NFXL1: variants seen among roughly 807,000 people sequenced by gnomAD.
NFXL1 encodes NF-X1-type zinc finger protein NFXL1.
In NFXL1, 66 loss-of-function variants were observed where a neutral mutation model predicts 123.3. That is an observed-to-expected ratio of 0.54 (90% CI 0.44 to 0.66). The LOEUF (loss-of-function observed/expected upper bound fraction) is 0.66, where lower values mean the gene tolerates loss of function less well. Among genes scored for constraint, NFXL1 ranks in the 30% least tolerant of loss-of-function variants. NFXL1 has a pLI of 0.00. For missense variants in NFXL1, 944 were observed against 1,125.6 expected, an observed-to-expected ratio of 0.84 and a Z score of 2.31; for synonymous variants, 346 against 360.8, an observed-to-expected ratio of 0.96 and a Z score of 0.46.
chr4:47,849,528 TCTAATAATAAA>T (rs1401307024), intron 22 of NFXL1, among the ~76,000 whole-genome samples: 2 of 152,208 alleles, frequency 1.3e-5, no homozygotes, highest in Non-Finnish European at 2.9e-5. Context: ...TTGAAAAAGA[TCTAATAATAAA>T]CTTAGTTTAA....
intron 17 of NFXL1, among the ~76,000 whole-genome samples, chr4:47,876,584 C>T (rs1290448802): frequency 2.6e-5 from 4 of 152,008 alleles, no homozygotes; most frequent in Non-Finnish European, 5.9e-5. Context: ...CCTTTACAGG[C>T]CATTGAAAAG....
intron 1 of NFXL1, 53 bp downstream of exon 1, chr4:47,914,312 A>C: frequency 1.1e-6 from 1 of 877,940 alleles, no homozygotes; most frequent in Non-Finnish European, 1.7e-6. Context: ...CGAGTGAGGA[A>C]GGTTCCTGCA....
At chr4:47,880,445 A>T (rs1397334733) in intron 15 of NFXL1, among the ~76,000 whole-genome samples, 1 of 151,162 alleles carries the variant, frequency 6.6e-6, no homozygotes, top group Non-Finnish European at 1.5e-5. Flanking sequence ...AAAAAAAAAA[A>T]AAAGGTTAAA....
Position 47,913,992 on chromosome 4 carries a change from G to T in NFXL1, c.212C>A (p.Ala71Asp), listed in dbSNP as rs542043125. Residue 71 changes from alanine (A) to aspartate (D), a missense_variant, in exon 2 of 23, where the codon GCC becomes GAC. Transcript: ENST00000507489. ...GSRHSPAGSQ[A>D]LQTTAASELM... ...ACCGCTGGCTGCGGTAGTCTGCAGG[G>T]CTTGGGATCCTGCGGGGCTGTGCCT... 6.5e-7 allele frequency: 1 copy of T among 1,547,666 alleles called. No individual in the cohort carries two copies. Among genetic ancestry groups the T allele is most frequent in the Non-Finnish European group, 8.7e-7 (1 of 1,146,580 alleles).
At chr4:47,868,711 A>G (rs893338086) in intron 18 of NFXL1, among the ~76,000 whole-genome samples, 2 of 152,220 alleles carry the variant, frequency 1.3e-5, no homozygotes, top group Non-Finnish European at 2.9e-5. Flanking sequence ...GAGCTAAACC[A>G]AAGATATTAG....
intron 11 of NFXL1, among the ~76,000 whole-genome samples, chr4:47,893,107 A>G (rs1736873070): frequency 6.6e-6 from 1 of 152,162 alleles, no homozygotes; most frequent in East Asian, 1.9e-4. Flanking sequence ...TAAAAAGCAG[A>G]TTAGACAATG....
chr4:47,898,736 T>C, intron 8 of NFXL1, 21 bp downstream of exon 8: 1 of 1,232,532 alleles, frequency 8.1e-7, no homozygotes, highest in Non-Finnish European at 1.2e-6. Context: ...TACCCACCCC[T>C]CAAAATGCAT....
chr4:47,862,741 A>C, intron 19 of NFXL1, 105 bp downstream of exon 19: 1 of 741,956 alleles, frequency 1.3e-6, no homozygotes. Context: ...ATTTAAAAAG[A>C]TACAACAGAG....
At chr4:47,902,436 C>T (rs73244442) in intron 5 of NFXL1, among the ~76,000 whole-genome samples, 13,960 of 152,008 alleles carry the variant, frequency 0.092, 995 homozygotes, top group East Asian at 0.31. Flanking sequence ...ATAAGCAAAA[C>T]TAATAAATGT....
At chr4:47,886,442 A>C (rs1240219947) in intron 12 of NFXL1, among the ~76,000 whole-genome samples, 1 of 151,994 alleles carries the variant, frequency 6.6e-6, no homozygotes, top group Non-Finnish European at 1.5e-5. Context: ...ATCACAGCTC[A>C]GTGCAGCCTC....
chr4:47,904,977 A>T (rs552167599), intron 4 of NFXL1, among the ~76,000 whole-genome samples: 1 of 152,346 alleles, frequency 6.6e-6, no homozygotes, highest in African/African-American at 2.4e-5. Flanking sequence ...GATGCTAAAA[A>T]TGTTCTATCA....
intron 19 of NFXL1, among the ~76,000 whole-genome samples, chr4:47,861,736 A>G (rs1011625557): frequency 3.3e-5 from 5 of 152,190 alleles, no homozygotes; most frequent in African/African-American, 1.2e-4. Context: ...ACAACCATTT[A>G]TTACTTCAAA....
chr4:47,879,066 C>G (rs1735927110), intron 16 of NFXL1, 30 bp downstream of exon 16: 1 of 1,300,658 alleles, frequency 7.7e-7, no homozygotes, highest in East Asian at 2.6e-5. Context: ...AGATTATAAG[C>G]TTTACTTAAA....
At chr4:47,912,464 T>TC (rs1419168055) in intron 2 of NFXL1, among the ~76,000 whole-genome samples, 1 of 145,092 alleles carries the variant, frequency 6.9e-6, no homozygotes, top group East Asian at 2.0e-4. Context: ...TTTCTTTCTT[T>TC]TTTTTTTTTT....
intron 15 of NFXL1, 44 bp downstream of exon 15, chr4:47,884,302 A>G (rs12510002): frequency 8.6e-7 from 1 of 1,163,662 alleles, no homozygotes; most frequent in Non-Finnish European, 1.3e-6. Flanking sequence ...AGCTATGTCA[A>G]AAGTTTTTTG....
chr4:47,911,859 C>G (rs1444696955), intron 2 of NFXL1, among the ~76,000 whole-genome samples: 2 of 152,176 alleles, frequency 1.3e-5, no homozygotes, highest in Non-Finnish European at 2.9e-5. Flanking sequence ...TAAGCTCTTA[C>G]GGACAGCAAA....
At chr4:47,857,551 T>C (rs1030968824) in intron 19 of NFXL1, among the ~76,000 whole-genome samples, 2 of 152,240 alleles carry the variant, frequency 1.3e-5, no homozygotes, top group Non-Finnish European at 2.9e-5. Context: ...CACAATTTCA[T>C]TGACGACTTC....
Position 47,862,872 on chromosome 4 carries a change from A to T in NFXL1, c.2290T>A (p.Cys764Ser), listed in dbSNP as rs770436726. 5 of 1,582,760 alleles carry T rather than the reference A, an allele frequency of 3.2e-6. No homozygotes were observed. The South Asian group carries it at 5.9e-5, about 19-fold the overall frequency. Residue 764 changes from cysteine (C) to serine (S), a missense_variant, in exon 19 of 23, where the codon TGT becomes AGT. This residue lies in a region of NFXL1 where 301 missense variants were observed against 348.0 expected (regional missense o/e 0.86). Transcript: ENST00000507489. Reference protein sequence around the residue: ...ADVNEKNLLSCCKNQCPKELP... With the variant: ...ADVNEKNLLSSCKNQCPKELP... Reference sequence around the variant, plus strand: ...TCTTTAGGGCACTGATTTTTGCAACAACTGAGGAGGTTCTTTTCATTTACA... The same window carrying T: ...TCTTTAGGGCACTGATTTTTGCAACTACTGAGGAGGTTCTTTTCATTTACA...
At chr4:47,906,384 T>C (rs1415039499) in intron 3 of NFXL1, among the ~76,000 whole-genome samples, 1 of 152,088 alleles carries the variant, frequency 6.6e-6, no homozygotes, top group Non-Finnish European at 1.5e-5. Context: ...AAAAGAAAAA[T>C]TAAATAAATA....
Sources: allele counts gnomAD v4.1 joint callset (sites outside exome capture counted in the v4.1 genomes callset), GRCh38; gene constraint gnomAD v4.1.1; regional missense constraint gnomAD v4.1.1; transcripts MANE v1.5; gene names NCBI Gene and HGNC (gene_info 2026-07-23, HGNC 2026-07-21).